ZACN: variants seen among roughly 807,000 people sequenced by gnomAD.
The protein encoded by ZACN is ligand-gated cation channel ZACN.
A neutral mutation model predicts 38.9 loss-of-function variants in ZACN; 52 were observed. That is an observed-to-expected ratio of 1.34 (90% CI 1.07 to 1.68). The LOEUF (loss-of-function observed/expected upper bound fraction) is 1.68, where lower values mean the gene tolerates loss of function less well. Ranked by LOEUF, ZACN falls within the 40% of genes most tolerant of loss-of-function variation. ZACN has a pLI of 0.00. For missense variants in ZACN, 559 were observed against 525.6 expected (o/e 1.06, Z -0.62); for synonymous variants, 235 against 227.4 (o/e 1.03, Z -0.30).
intron 5 of ZACN, 136 bp downstream of exon 5, chr17:76,080,560 G>GATCT (rs1444541130): frequency 7.6e-7 from 1 of 1,307,820 alleles, no homozygotes; most frequent in Non-Finnish European, 1.1e-6. Context: ...CGAACTCCCA[G>GATCT]GTCTGTGTTC....
chr17:76,081,522 G>A (rs1055335286), intron 6 of ZACN, 23 bp from the exon 7 acceptor site: 1 of 1,612,000 alleles, frequency 6.2e-7, no homozygotes, highest in Admixed American at 1.7e-5. Flanking sequence ...CCGCCGGGAA[G>A]GCCCTGACTT....
At chr17:76,080,988 G>A (rs1186904881) in intron 5 of ZACN, 7 of 406,906 alleles carry the variant, frequency 1.7e-5, no homozygotes, top group Admixed American at 3.6e-5. Flanking sequence ...ATAGACTGAC[G>A]AGCCTGTGAC....
At chr17:76,080,617 T>C (rs1312408214) in intron 5 of ZACN, 193 bp downstream of exon 5, 3 of 794,258 alleles carry the variant, frequency 3.8e-6, no homozygotes, top group East Asian at 2.7e-5. Flanking sequence ...GCTCTCCCAC[T>C]GCGCCCCCCA....
In ZACN at chr17:76,080,123, T is replaced by C. The variant is rs113736170; in HGVS notation, c.374+129T>C. 2.9e-4 allele frequency: 428 copies of C among 1,451,514 alleles called. 2 individuals are homozygous for C. In the African/African-American group the frequency reaches 5.2e-3, roughly 18 times the overall value. The allele number at this position is 1,451,514 out of a possible 1,614,324, so 89.9% of individuals were successfully genotyped here. A position where few individuals can be genotyped will look rare whatever the true frequency, so the allele number is the denominator to read the frequency against. On this transcript the variant is annotated intron_variant, in intron 4 of 8. Coordinates refer to ENST00000334586, the MANE Select transcript of ZACN (RefSeq NM_180990.4). ...TCCCCGCCGGACTAGCAGTGCACCT[T>C]CACTGCCTCGAATTCCCCTCCCACT...
In ZACN at chr17:76,081,627, G is replaced by A. The variant is rs1450273752; in HGVS notation, c.752G>A (p.Gly251Glu). ...GCACTGCTGTTGGCTGACGTGTGCG[G>A]GGGGTTGCTGCCCCTCCGGGCCATT... ...AEALLLADVC[G>E]GLLPLRAIER... Residue 251 changes from glycine to glutamate, a missense_variant, in exon 7 of 9, where the codon GGG (glycine) becomes GAG (glutamate). Coordinates refer to ENST00000334586, the MANE Select transcript of ZACN (RefSeq NM_180990.4). The A allele has an allele frequency of 1.6e-5, 26 of 1,614,002 alleles. No individual in the cohort carries two copies. Among genetic ancestry groups the A allele is most frequent in the Non-Finnish European group, 2.0e-5 (24 of 1,180,048 alleles).
chr17:76,081,690 AC>A lies in ZACN; in HGVS notation c.817del (p.Leu273SerfsTer37). ...IGYKVTLLLS[Y>X]LVLHSSLVQA... is the part of the protein sequence containing the mutation. ...TACAAGGTGACATTGCTGCTGAGTT[AC>A]CTCGTCCTCCACTCCTCCCTGGTGC... On this transcript the variant is annotated frameshift_variant, in exon 7 of 9. Coordinates refer to ENST00000334586, the MANE Select transcript of ZACN (RefSeq NM_180990.4). LOFTEE classifies it high-confidence loss of function. 6.2e-7 allele frequency: 1 copy of A among 1,613,954 alleles called. No individual in the cohort carries two copies. The highest frequency in any genetic ancestry group is 2.2e-5 in the East Asian group (1 of 44,862).
At chr17:76,080,727 C>A in intron 5 of ZACN, 1 of 533,390 alleles carries the variant, frequency 1.9e-6, no homozygotes, top group South Asian at 1.6e-5. Flanking sequence ...TCCCAGAGGT[C>A]CGAGCACATC....
At chr17:76,079,839 C>T in intron 3 of ZACN, 49 bp from the exon 4 acceptor site, 2 of 1,595,450 alleles carry the variant, frequency 1.3e-6, no homozygotes, top group South Asian at 2.2e-5. Context: ...AGCTTAGGGG[C>T]ATGGATATGT....
intron 6 of ZACN, 31 bp from the exon 7 acceptor site, chr17:76,081,514 G>C (rs373637080): frequency 3.8e-5 from 61 of 1,610,426 alleles, no homozygotes; most frequent in Non-Finnish European, 4.9e-5. Context: ...CTTCCCCCCC[G>C]CCGGGAAGGC....
At chr17:76,081,071 T>C in intron 5 of ZACN, 1 of 591,308 alleles carries the variant, frequency 1.7e-6, no homozygotes, top group Non-Finnish European at 3.0e-6. Flanking sequence ...ATGAATCTGA[T>C]AAAGGCCTTC....
Position 76,081,410 on chromosome 17 carries a change from A to G in ZACN, c.669+8A>G, listed in dbSNP as rs1006390876. On this transcript the variant is annotated splice_region_variant and intron_variant, in intron 6 of 8. Coordinates refer to ENST00000334586, the MANE Select transcript of ZACN (RefSeq NM_180990.4). Reference sequence around the variant, plus strand: ...CCCTGCTTCCAGGTGACGGTGAGTCAAGTCGGGAGGAGGCCGACAGAGGGC... The same window carrying G: ...CCCTGCTTCCAGGTGACGGTGAGTCGAGTCGGGAGGAGGCCGACAGAGGGC... The G allele has an allele frequency of 6.2e-7, 1 of 1,613,924 alleles. No homozygotes were observed. The highest frequency in any genetic ancestry group is 1.3e-5 in the African/African-American group (1 of 74,942).
chr17:76,080,037 C>T (rs561686196), intron 4 of ZACN, 43 bp downstream of exon 4: 3 of 1,498,956 alleles, frequency 2.0e-6, no homozygotes, highest in African/African-American at 2.8e-5. Context: ...CCATGCATAG[C>T]CCTCCTTTTC....
chr17:76,079,703 A>G lies in ZACN; in HGVS notation c.224A>G (p.Asp75Gly). 1.2e-6 allele frequency: 2 copies of G among 1,613,452 alleles called. No individual in the cohort carries two copies. Among genetic ancestry groups the G allele is most frequent in the Non-Finnish European group, 1.7e-6 (2 of 1,179,594 alleles). ...GGTGATGCATTGCCCTTCCCCCAGGACATCCTGCGATACACAATGTCCTCC... is the reference window on the plus strand; with the variant it reads ...GGTGATGCATTGCCCTTCCCCCAGGGCATCCTGCGATACACAATGTCCTCC... ...RVFVSNVFNV[D>G]ILRYTMSSML... is the part of the protein sequence containing the mutation. Residue 75 changes from aspartate to glycine, a missense_variant and splice_region_variant, in exon 3 of 9, where the codon GAC becomes GGC. Asp to Gly is a moderately conservative substitution (Grantham distance 94, BLOSUM62 -1). Transcript: ENST00000334586.
In ZACN at chr17:76,082,700, C is replaced by T. The variant is rs764107992; in HGVS notation, c.*47C>T. ...CACCTTAGGATGAAGTTTGCTTTCC[C>T]ATGGCTGGGGGCGGGCCATGACAGG... On this transcript the variant is annotated 3_prime_UTR_variant, in exon 9 of 9. Coordinates refer to ENST00000334586, the MANE Select transcript of ZACN (RefSeq NM_180990.4). 1 of 1,539,188 alleles carries T rather than the reference C, an allele frequency of 6.5e-7. No homozygotes were observed. Among genetic ancestry groups the T allele is most frequent in the South Asian group, 1.2e-5 (1 of 80,308 alleles).
intron 8 of ZACN, 117 bp from the exon 9 acceptor site, chr17:76,082,346 T>A (rs2067017712): frequency 8.6e-7 from 1 of 1,157,612 alleles, no homozygotes; most frequent in African/African-American, 1.6e-5. Context: ...CAAATTTTCA[T>A]CAGCTGAGAA....
rs374914758 is a variant in ZACN, at chr17:76,081,871, G to T, written c.881-11G>T. 3.9e-5 allele frequency: 62 copies of T among 1,608,214 alleles called. No individual in the cohort carries two copies. The highest frequency in any genetic ancestry group is 5.0e-5 in the Non-Finnish European group (59 of 1,176,048). Reference sequence around the variant, plus strand: ...GCCCCTGAGCATCTCCCTGTGCCCTGCCTCCCCCAGTTTACTACTTCACCA... The same window carrying T: ...GCCCCTGAGCATCTCCCTGTGCCCTTCCTCCCCCAGTTTACTACTTCACCA... On this transcript the variant is annotated splice_polypyrimidine_tract_variant and intron_variant, in intron 7 of 8. Transcript: ENST00000334586.
At chr17:76,079,605 C>T (rs780713452) in intron 2 of ZACN, 42 bp downstream of exon 2, 2 of 1,613,502 alleles carry the variant, frequency 1.2e-6, no homozygotes, top group Non-Finnish European at 1.7e-6. Context: ...CTGAGCTGGG[C>T]AGGGAACAGG....
In ZACN at chr17:76,079,974, A is replaced by T. The variant is rs142551926; in HGVS notation, c.354A>T (p.Pro118=). Residue 118 remains proline (P), a synonymous_variant, in exon 4 of 9, where the codon CCA becomes CCT. Coordinates refer to ENST00000334586, the MANE Select transcript of ZACN (RefSeq NM_180990.4). The part of the protein sequence containing the change: ...ITLPWESLWT[P]RLTILEALWV... Reference sequence around the variant, plus strand: ...TGCCCTGGGAGTCTCTCTGGACACCAAGGCTCACCATCCTGGAGGCGTAAG... The same window carrying T: ...TGCCCTGGGAGTCTCTCTGGACACCTAGGCTCACCATCCTGGAGGCGTAAG... 1.3e-6 allele frequency: 2 copies of T among 1,588,388 alleles called. No homozygotes were observed. The highest frequency in any genetic ancestry group is 1.7e-6 in the Non-Finnish European group (2 of 1,167,624).
rs752814887 is a variant in ZACN, at chr17:76,080,292, C to T, written c.412C>T (p.Arg138Ter). 1.3e-5 allele frequency: 21 copies of T among 1,613,820 alleles called. No homozygotes were observed. Among genetic ancestry groups the T allele is most frequent in the Non-Finnish European group, 1.7e-5 (20 of 1,180,012 alleles). ...CTGGAGGGACCAGAGCCCCCAGGCT[C>T]GAGTAGACCAGGACGGCCACGTGAA... The part of the protein sequence containing the change: ...VDWRDQSPQA[R>*]VDQDGHVKLN... Residue 138 changes from arginine to a stop codon, truncating the protein, a stop_gained, in exon 5 of 9, where the codon CGA (arginine) becomes TGA (stop). Transcript: ENST00000334586. LOFTEE classifies it high-confidence loss of function.
Sources: gnomAD v4.1 joint callset for allele counts on GRCh38, gnomAD v4.1.1 for gene constraint, MANE v1.5 for transcripts, NCBI Gene and HGNC (gene_info 2026-07-23, HGNC 2026-07-21) for gene names.